The following FOXP2 variants were observed in gnomAD, a reference collection of about 807,000 sequenced individuals.
FOXP2 encodes forkhead box protein P2.
In FOXP2, 12 loss-of-function variants were observed where a neutral mutation model predicts 115.8. That is an observed-to-expected ratio of 0.10 (90% CI 0.07 to 0.17). The LOEUF (loss-of-function observed/expected upper bound fraction) is 0.17, where lower values mean the gene tolerates loss of function less well. FOXP2 is among the 10% of genes least tolerant of loss of function. FOXP2 has a pLI of 1.00. For missense variants in FOXP2, 629 were observed against 843.5 expected, an observed-to-expected ratio of 0.75 and a Z score of 3.15; for synonymous variants, 328 against 297.7, an observed-to-expected ratio of 1.10 and a Z score of -1.05.
chr7:114,455,594 A>G (rs888589146), intron 2 of FOXP2, among the ~76,000 whole-genome samples: 5 of 152,172 alleles, frequency 3.3e-5, no homozygotes, highest in African/African-American at 1.2e-4. Context: ...CCTCCTCTCT[A>G]TATCCCCTAC....
chr7:114,396,261 ATGCAACGTTTGTCTGTCTG>A (rs1792737161), intron 2 of FOXP2, among the ~76,000 whole-genome samples: 2 of 152,094 alleles, frequency 1.3e-5, no homozygotes, highest in Non-Finnish European at 2.9e-5. Flanking sequence ...AAGTGAGAAC[ATGCAACGTTTGTCTGTCTG>A]TGCCTGGTTT....
chr7:114,609,549 C>G (rs774438634), intron 3 of FOXP2, among the ~76,000 whole-genome samples: 1 of 152,162 alleles, frequency 6.6e-6, no homozygotes, highest in African/African-American at 2.4e-5. Flanking sequence ...TGCTTGTCAT[C>G]TTCGATATAG....
At chr7:114,328,165 T>C (rs1188093946) in intron 2 of FOXP2, among the ~76,000 whole-genome samples, 3 of 151,268 alleles carry the variant, frequency 2.0e-5, no homozygotes, top group African/African-American at 7.3e-5. Flanking sequence ...ATGAGCCTCC[T>C]ATCCCGGCCT....
At chr7:114,535,138 A>C (rs1799318282) in intron 3 of FOXP2, among the ~76,000 whole-genome samples, 1 of 151,700 alleles carries the variant, frequency 6.6e-6, no homozygotes, top group Non-Finnish European at 1.5e-5. Flanking sequence ...GAGGATTGCC[A>C]AAAAAACTGT....
At chr7:114,345,157 C>T (rs1791317046) in intron 2 of FOXP2, among the ~76,000 whole-genome samples, 1 of 151,494 alleles carries the variant, frequency 6.6e-6, no homozygotes, top group Non-Finnish European at 1.5e-5. Context: ...TAATATGTTG[C>T]AATACTTTAG....
At chr7:114,236,893 C>T (rs1316077597) in intron 1 of FOXP2, among the ~76,000 whole-genome samples, 1 of 152,074 alleles carries the variant, frequency 6.6e-6, no homozygotes, top group Admixed American at 6.6e-5. Flanking sequence ...AGGAGAATTG[C>T]TTGAACCCAG....
intron 1 of FOXP2, among the ~76,000 whole-genome samples, chr7:114,280,573 T>C (rs1796308178): frequency 6.6e-6 from 1 of 152,178 alleles, no homozygotes; most frequent in Non-Finnish European, 1.5e-5. Context: ...AAAGCTATAC[T>C]CTGTTCTATG....
intron 1 of FOXP2, among the ~76,000 whole-genome samples, chr7:114,234,881 A>G (rs1794970110): frequency 6.6e-6 from 1 of 151,858 alleles, no homozygotes; most frequent in Non-Finnish European, 1.5e-5. Flanking sequence ...TCTTCTTGCT[A>G]CCCTCTTTGT....
chr7:114,250,548 G>A (rs1242676893), intron 1 of FOXP2, among the ~76,000 whole-genome samples: 1 of 152,220 alleles, frequency 6.6e-6, no homozygotes, highest in Non-Finnish European at 1.5e-5. Flanking sequence ...GATGGCCAGT[G>A]ATGATGAGCA....
chr7:114,364,117 G>A (rs1355818661), intron 2 of FOXP2, among the ~76,000 whole-genome samples: 1 of 152,010 alleles, frequency 6.6e-6, no homozygotes, highest in Non-Finnish European at 1.5e-5. Flanking sequence ...TAGTTTCATT[G>A]TAATGATGGT....
intron 2 of FOXP2, among the ~76,000 whole-genome samples, chr7:114,524,319 A>G (rs1476926584): frequency 6.6e-6 from 1 of 152,196 alleles, no homozygotes. Context: ...AAAGAAAAAG[A>G]AAAAGAATTT....
intron 2 of FOXP2, among the ~76,000 whole-genome samples, chr7:114,336,410 A>G (rs1797855548): frequency 6.6e-6 from 1 of 151,596 alleles, no homozygotes; most frequent in African/African-American, 2.4e-5. Flanking sequence ...GTGGAGATAA[A>G]TTCCTCCTAC....
chr7:114,432,541 TTTAAA>T (rs1353684559), intron 2 of FOXP2, among the ~76,000 whole-genome samples: 8 of 152,030 alleles, frequency 5.3e-5, no homozygotes, highest in African/African-American at 1.9e-4. Flanking sequence ...AGAATTTATC[TTTAAA>T]TTACATTTTT....
chr7:114,315,880 G>A (rs1797265253), intron 2 of FOXP2, among the ~76,000 whole-genome samples: 1 of 152,260 alleles, frequency 6.6e-6, no homozygotes, highest in African/African-American at 2.4e-5. Context: ...TATAGCCAAT[G>A]TCACTATAGC....
At chr7:114,494,115 T>A (rs1797199032) in intron 2 of FOXP2, among the ~76,000 whole-genome samples, 2 of 152,256 alleles carry the variant, frequency 1.3e-5, no homozygotes, top group East Asian at 3.9e-4. Flanking sequence ...TCAAGAGATA[T>A]ACATATTTTA....
intron 1 of FOXP2, among the ~76,000 whole-genome samples, chr7:114,179,605 T>C (rs1782649817): frequency 6.6e-6 from 1 of 152,046 alleles, no homozygotes; most frequent in Non-Finnish European, 1.5e-5. Flanking sequence ...ACAAGGTTAA[T>C]GTTAGTCTTT....
At chr7:114,326,529 G>T (rs181050768) in intron 2 of FOXP2, among the ~76,000 whole-genome samples, 1 of 152,222 alleles carries the variant, frequency 6.6e-6, no homozygotes, top group East Asian at 1.9e-4. Context: ...GGCTCCTAAT[G>T]GGATTCCTAG....
intron 1 of FOXP2, among the ~76,000 whole-genome samples, chr7:114,201,834 G>A (rs148675523): frequency 2.0e-4 from 31 of 152,260 alleles, no homozygotes; most frequent in East Asian, 1.2e-3. Flanking sequence ...ATGAAATGGC[G>A]CAGTTGCCTT....
At chr7:114,149,385 A>C (rs1207939242) in intron 1 of FOXP2, among the ~76,000 whole-genome samples, 3 of 152,110 alleles carry the variant, frequency 2.0e-5, no homozygotes, top group Non-Finnish European at 4.4e-5. Flanking sequence ...TTATTAGCAT[A>C]AGTTTTCCAT....
Sources: allele counts gnomAD v4.1 joint callset (sites outside exome capture counted in the v4.1 genomes callset), GRCh38; gene constraint gnomAD v4.1.1; transcripts MANE v1.5; gene names NCBI Gene and HGNC (gene_info 2026-07-23, HGNC 2026-07-21).